The following GPR39 variants were observed in gnomAD, a reference collection of about 807,000 sequenced individuals.
GPR39 encodes zinc sensing receptor.
Under a neutral mutation model 18.4 loss-of-function variants are expected in GPR39, and 23 were observed. That is an observed-to-expected ratio of 1.25 (90% CI 0.90 to 1.77). GPR39 has a LOEUF of 1.77. Among genes scored for constraint, GPR39 ranks in the 40% most tolerant of loss-of-function variants. The pLI, the probability that GPR39 is intolerant of heterozygous loss-of-function variation, is 0.00. For missense variants in GPR39, 647 were observed against 602.4 expected (o/e 1.07, Z -0.78); for synonymous variants, 280 against 257.9 (o/e 1.09, Z -0.82).
intron 1 of GPR39, among the ~76,000 whole-genome samples, chr2:132,575,598 C>T (rs1054535425): frequency 1.3e-5 from 2 of 152,202 alleles, no homozygotes; most frequent in African/African-American, 4.8e-5. Context: ...TTTTCTGCAG[C>T]CTTGTCAGCA....
intron 1 of GPR39, among the ~76,000 whole-genome samples, chr2:132,534,686 G>A (rs1679714662): frequency 6.6e-6 from 1 of 151,982 alleles, no homozygotes; most frequent in African/African-American, 2.4e-5. Context: ...CATGTCCTTT[G>A]TAGGGACATG....
At position 132,516,838 on chromosome 2, in the gene GPR39, A is replaced by T. The variant is rs1025226831; in HGVS notation, c.856+98940A>T. On this transcript the variant is annotated intron_variant, in intron 1 of 1. Transcript: ENST00000329321. ...TGGGGAATGTTTGTGGAATGAATGAATGAAACAAAGGGCAAGAGGGAGGAT... is the reference window on the plus strand; with the variant it reads ...TGGGGAATGTTTGTGGAATGAATGATTGAAACAAAGGGCAAGAGGGAGGAT... 3.3e-5 allele frequency among the ~76,000 whole-genome samples: 5 copies of T among 152,314 alleles called. No homozygotes were observed. The East Asian group carries it at 5.8e-4, about 18-fold the overall frequency.
chr2:132,493,035 A>G (rs1346042859), intron 1 of GPR39, among the ~76,000 whole-genome samples: 6 of 120,782 alleles, frequency 5.0e-5, no homozygotes, highest in South Asian at 3.0e-4. Flanking sequence ...TATATACCAT[A>G]TATATACCAT....
chr2:132,583,273 T>C (rs1333111379), intron 1 of GPR39, among the ~76,000 whole-genome samples: 1 of 152,052 alleles, frequency 6.6e-6, no homozygotes. Flanking sequence ...TGGGTGATAC[T>C]GTAAAATATA....
At chr2:132,567,641 G>C (rs1680374275) in intron 1 of GPR39, among the ~76,000 whole-genome samples, 1 of 152,154 alleles carries the variant, frequency 6.6e-6, no homozygotes, top group Admixed American at 6.5e-5. Flanking sequence ...TACAGAAACA[G>C]AAAACAGGCT....
chr2:132,510,166 T>C (rs980119962), intron 1 of GPR39, among the ~76,000 whole-genome samples: 5 of 152,218 alleles, frequency 3.3e-5, no homozygotes, highest in Non-Finnish European at 7.3e-5. Context: ...TTTGACTCCC[T>C]GCAAGTTAAG....
chr2:132,514,164 G>T lies in GPR39; in HGVS notation c.856+96266G>T, dbSNP rs570987477. Among the ~76,000 whole-genome samples, 4 of 152,244 alleles carry T rather than the reference G, an allele frequency of 2.6e-5. No homozygotes were observed. The South Asian group carries it at 8.3e-4, about 32-fold the overall frequency. ...ATCTGTGACTGTTAAGGCAGCACTG[G>T]TCCATCTGGCCTTAGGGGATGCAGT... is the stretch of plus-strand genomic sequence containing the variant. On this transcript the variant is annotated intron_variant, in intron 1 of 1. Transcript: ENST00000329321.
intron 1 of GPR39, among the ~76,000 whole-genome samples, chr2:132,600,628 G>T (rs1289173292): frequency 6.6e-6 from 1 of 151,954 alleles, no homozygotes; most frequent in Non-Finnish European, 1.5e-5. Flanking sequence ...TAAATTCCTG[G>T]ACACATATAA....
chr2:132,530,541 GAC>G (rs1454797814), intron 1 of GPR39, among the ~76,000 whole-genome samples: 2 of 152,196 alleles, frequency 1.3e-5, no homozygotes, highest in South Asian at 2.1e-4. Context: ...CCAACTCCAA[GAC>G]ACATAATTTT....
At chr2:132,467,466 C>T (rs1224279880) in intron 1 of GPR39, among the ~76,000 whole-genome samples, 1 of 152,136 alleles carries the variant, frequency 6.6e-6, no homozygotes, top group African/African-American at 2.4e-5. Flanking sequence ...GTACTATGCT[C>T]AGTATCTGAA....
intron 1 of GPR39, among the ~76,000 whole-genome samples, chr2:132,529,732 C>T (rs1450963309): frequency 2.0e-5 from 3 of 152,218 alleles, no homozygotes; most frequent in Non-Finnish European, 4.4e-5. Context: ...TGCTGATACC[C>T]AGGCAAATAG....
intron 1 of GPR39, among the ~76,000 whole-genome samples, chr2:132,512,355 A>G (rs956154522): frequency 6.6e-6 from 1 of 152,186 alleles, no homozygotes; most frequent in Non-Finnish European, 1.5e-5. Context: ...AGAGATACTC[A>G]CGGAGAGATG....
intron 1 of GPR39, among the ~76,000 whole-genome samples, chr2:132,618,741 A>G (rs1474699157): frequency 1.3e-5 from 2 of 152,072 alleles, no homozygotes; most frequent in African/African-American, 2.4e-5. Context: ...ATTCCACCCA[A>G]TCCTCCTCTA....
chr2:132,561,488 G>C (rs1680252626), intron 1 of GPR39, among the ~76,000 whole-genome samples: 1 of 151,986 alleles, frequency 6.6e-6, no homozygotes, highest in Non-Finnish European at 1.5e-5. Flanking sequence ...TCTGCAAGGA[G>C]CTGTGGCTTT....
At chr2:132,629,638 T>C (rs796109967) in intron 1 of GPR39, among the ~76,000 whole-genome samples, 5 of 152,320 alleles carry the variant, frequency 3.3e-5, no homozygotes, top group African/African-American at 1.2e-4. Context: ...AGGAAACTCA[T>C]CTGTCATCTT....
At chr2:132,521,837 C>G (rs1331488954) in intron 1 of GPR39, among the ~76,000 whole-genome samples, 1 of 152,076 alleles carries the variant, frequency 6.6e-6, no homozygotes, top group African/African-American at 2.4e-5. Context: ...TGTACTGTGT[C>G]TTCATTCATT....
chr2:132,454,882 C>T (rs978335862), intron 1 of GPR39, among the ~76,000 whole-genome samples: 1 of 152,126 alleles, frequency 6.6e-6, no homozygotes, highest in African/African-American at 2.4e-5. Context: ...ATTTGGTTTG[C>T]CAGTATTATA....
chr2:132,436,874 A>G (rs1408367131), intron 1 of GPR39, among the ~76,000 whole-genome samples: 1 of 152,160 alleles, frequency 6.6e-6, no homozygotes, highest in African/African-American at 2.4e-5. Flanking sequence ...TGTATTAATC[A>G]TATTAACTAA....
At chr2:132,503,243 T>C (rs1336191421) in intron 1 of GPR39, among the ~76,000 whole-genome samples, 1 of 152,186 alleles carries the variant, frequency 6.6e-6, no homozygotes, top group African/African-American at 2.4e-5. Flanking sequence ...CTGTTCAGAT[T>C]CTTTTGTCCC....
Sources: gnomAD v4.1 joint callset for allele counts (sites outside exome capture counted in the v4.1 genomes callset) on GRCh38, gnomAD v4.1.1 for gene constraint, MANE v1.5 for transcripts, NCBI Gene and HGNC (gene_info 2026-07-23, HGNC 2026-07-21) for gene names.